The following SLC35B4 variants were observed in gnomAD, a reference collection of about 807,000 sequenced individuals.
SLC35B4 encodes solute carrier family 35 member B4.
In SLC35B4, 28 loss-of-function variants were observed where a neutral mutation model predicts 39.5. That is an observed-to-expected ratio of 0.71 (90% CI 0.53 to 0.97). The LOEUF (loss-of-function observed/expected upper bound fraction) is 0.97. Among genes scored for constraint, SLC35B4 ranks in the 50% least tolerant of loss-of-function variants. SLC35B4 has a pLI of 0.00. For missense variants in SLC35B4, 334 were observed against 414.3 expected, an observed-to-expected ratio of 0.81 and a Z score of 1.68; for synonymous variants, 145 against 150.4, an observed-to-expected ratio of 0.96 and a Z score of 0.26.
chr7:134,299,958 G>A (rs899818270), intron 7 of SLC35B4, among the ~76,000 whole-genome samples, 194 bp downstream of exon 7: 5 of 152,276 alleles, frequency 3.3e-5, no homozygotes, highest in East Asian at 3.9e-4. Flanking sequence ...TTGATTGATC[G>A]TGATCATCTC....
At chr7:134,308,051 G>A (rs923627981) in intron 2 of SLC35B4, among the ~76,000 whole-genome samples, 5 of 152,072 alleles carry the variant, frequency 3.3e-5, no homozygotes, top group East Asian at 3.8e-4. Flanking sequence ...GGGGATGAAC[G>A]ACATGAGCAA....
chr7:134,290,553 T>A lies in SLC35B4; in HGVS notation c.*4280A>T, dbSNP rs1042773302. 1.3e-5 allele frequency: 2 copies of A among 152,216 alleles called. No homozygotes were observed. Among genetic ancestry groups the A allele is most frequent in the African/African-American group, 4.8e-5 (2 of 41,458 alleles). 9.4% of individuals were successfully genotyped at this position (152,216 alleles called of 1,614,324 possible). A position where few individuals can be genotyped will look rare whatever the true frequency, so the allele number is the denominator to read the frequency against. ...AAGCTGCTAGAAAAAGACAACATGCTACTTTAAAGCCAAGAGGGGCCAGTC... is the reference window on the plus strand; with the variant it reads ...AAGCTGCTAGAAAAAGACAACATGCAACTTTAAAGCCAAGAGGGGCCAGTC... On this transcript the variant is annotated 3_prime_UTR_variant, in exon 10 of 10. Transcript: ENST00000378509.
rs1335295059 is a variant in SLC35B4, at chr7:134,291,314, T to A, written c.*3519A>T. ...CAATATCAATGCTTGTAAGAATGTA[T>A]AACAAAATACACGCTGTGCAGATAT... is the stretch of plus-strand genomic sequence containing the variant. On this transcript the variant is annotated 3_prime_UTR_variant, in exon 10 of 10. Transcript: ENST00000378509. The A allele has an allele frequency of 6.6e-6, 1 of 152,134 alleles. No individual in the cohort carries two copies. The highest frequency in any genetic ancestry group is 2.4e-5 in the African/African-American group (1 of 41,420). The allele number at this position is 152,134 out of a possible 1,614,324, so 9.4% of individuals were successfully genotyped here. A position where few individuals can be genotyped will look rare whatever the true frequency, so the allele number is the denominator to read the frequency against.
In SLC35B4 at chr7:134,302,085, TG is replaced by T; in HGVS notation, c.369del (p.Ile124LeufsTer19). ...AATATCCCCACAGACACCAGGGCAA[TG>T]GAGGTATATTTGAATATACTGTATC... The part of the protein sequence containing the change: ...KKRYSIFKYT[S>X]IALVSVGIFI... On this transcript the variant is annotated frameshift_variant, in exon 5 of 10. Transcript: ENST00000378509. LOFTEE classifies it high-confidence loss of function. The T allele has an allele frequency of 6.2e-7, 1 of 1,613,656 alleles. No homozygotes were observed. The highest frequency in any genetic ancestry group is 8.5e-7 in the Non-Finnish European group (1 of 1,179,894).
At chr7:134,316,292 G>C (rs1421416006) in intron 1 of SLC35B4, among the ~76,000 whole-genome samples, 1 of 152,196 alleles carries the variant, frequency 6.6e-6, no homozygotes, top group Non-Finnish European at 1.5e-5. Context: ...GGAAGAGAGA[G>C]TGGTTTGGTG....
In SLC35B4 at chr7:134,289,475, A is replaced by C. The variant is rs1455976679; in HGVS notation, c.*5358T>G. 2 of 152,672 alleles carry C rather than the reference A, an allele frequency of 1.3e-5. No individual in the cohort carries two copies. The highest frequency in any genetic ancestry group is 4.8e-5 in the African/African-American group (2 of 41,454). The allele number at this position is 152,672 out of a possible 1,614,324, so 9.5% of individuals were successfully genotyped here. A position where few individuals can be genotyped will look rare whatever the true frequency, so the allele number is the denominator to read the frequency against. On this transcript the variant is annotated 3_prime_UTR_variant, in exon 10 of 10. Transcript: ENST00000378509. ...CCCACTAATGTCTTGTAGCTGTTCTACGTACTCTCAGCTTTCTACTCCCTC... is the reference window on the plus strand; with the variant it reads ...CCCACTAATGTCTTGTAGCTGTTCTCCGTACTCTCAGCTTTCTACTCCCTC...
chr7:134,300,429 C>T (rs1421485), intron 6 of SLC35B4, among the ~76,000 whole-genome samples, 168 bp from the exon 7 acceptor site: 73,571 of 151,920 alleles, frequency 0.48, 18,115 homozygotes, highest in Admixed American at 0.55. Context: ...TAGTCCTTTA[C>T]AGCTTTCTAC....
chr7:134,304,933 G>A, intron 3 of SLC35B4, 79 bp from the exon 4 acceptor site: 2 of 1,074,214 alleles, frequency 1.9e-6, no homozygotes, highest in Non-Finnish European at 2.8e-6. Flanking sequence ...ATAGGAACAT[G>A]GGCAAGGGGA....
intron 4 of SLC35B4, 116 bp from the exon 5 acceptor site, chr7:134,302,226 C>T: frequency 1.2e-6 from 1 of 828,056 alleles, no homozygotes; most frequent in South Asian, 1.7e-5. Flanking sequence ...GTATGACAGA[C>T]AGGATTACTT....
intron 6 of SLC35B4, among the ~76,000 whole-genome samples, chr7:134,300,664 A>G (rs1331661434): frequency 6.6e-6 from 1 of 152,214 alleles, no homozygotes; most frequent in Non-Finnish European, 1.5e-5. Flanking sequence ...ATTAAAATCA[A>G]TGTACATCCT....
At chr7:134,310,215 T>G (rs193279623) in intron 1 of SLC35B4, among the ~76,000 whole-genome samples, 35 of 152,286 alleles carry the variant, frequency 2.3e-4, no homozygotes, top group African/African-American at 8.2e-4. Flanking sequence ...CTTAACCCAG[T>G]GTTTTGAATA....
chr7:134,306,922 T>G (rs1223296399), intron 2 of SLC35B4, 148 bp from the exon 3 acceptor site: 2 of 545,694 alleles, frequency 3.7e-6, no homozygotes, highest in Non-Finnish European at 6.5e-6. Context: ...TGTCAACTAC[T>G]AAGTACATAT....
intron 1 of SLC35B4, among the ~76,000 whole-genome samples, chr7:134,313,513 TGTAAGCTCCCTAA>T (rs1380505889): frequency 6.6e-6 from 1 of 152,208 alleles, no homozygotes; most frequent in Non-Finnish European, 1.5e-5. Flanking sequence ...CAAGGTAGAA[TGTAAGCTCCCTAA>T]GGAGGAATAT....
rs14624 is a variant in SLC35B4 at position 134,289,897 on chromosome 7, C to G, written c.*4936G>C. 6.6e-6 allele frequency: 1 copy of G among 152,096 alleles called. No individual in the cohort carries two copies. The highest frequency in any genetic ancestry group is 1.5e-5 in the Non-Finnish European group (1 of 68,014). 9.4% of individuals were successfully genotyped at this position (152,096 alleles called of 1,614,324 possible). ...TCTGGCTCCCTTGCAACTTGCCTCA[C>G]TTGATTAAAATTGACAAATTTTGGT... On this transcript the variant is annotated 3_prime_UTR_variant, in exon 10 of 10. Transcript: ENST00000378509.
chr7:134,307,260 C>T (rs1803731337), intron 2 of SLC35B4, among the ~76,000 whole-genome samples: 1 of 151,474 alleles, frequency 6.6e-6, no homozygotes, highest in South Asian at 2.1e-4. Context: ...CATGGTTTGA[C>T]TTGTACAGAT....
chr7:134,309,000 C>A (rs1436076333), intron 2 of SLC35B4, among the ~76,000 whole-genome samples: 5 of 152,096 alleles, frequency 3.3e-5, no homozygotes, highest in African/African-American at 1.2e-4. Context: ...AAAAGCCATT[C>A]GTTTTTAAAA....
intron 6 of SLC35B4, among the ~76,000 whole-genome samples, chr7:134,301,181 T>C (rs976801228): frequency 1.3e-5 from 2 of 152,214 alleles, no homozygotes; most frequent in African/African-American, 4.8e-5. Flanking sequence ...TCCGTTATTG[T>C]TGTCATTGAA....
chr7:134,292,852 T>G lies in SLC35B4; in HGVS notation c.*1981A>C, dbSNP rs866248464. On this transcript the variant is annotated 3_prime_UTR_variant, in exon 10 of 10. Transcript: ENST00000378509. ...TCCTTCAGAAGAGCCCATTACTGGC[T>G]CTAGAAAGCTGTCAATGTCCAGAGC... The G allele has an allele frequency of 1.3e-5, 2 of 152,302 alleles. No individual in the cohort carries two copies. The highest frequency in any genetic ancestry group is 3.4e-3 in the Middle Eastern group (1 of 294). 9.4% of individuals were successfully genotyped at this position (152,302 alleles called of 1,614,324 possible).
intron 8 of SLC35B4, among the ~76,000 whole-genome samples, chr7:134,297,936 T>C (rs889573585): frequency 6.6e-6 from 1 of 152,122 alleles, no homozygotes; most frequent in Non-Finnish European, 1.5e-5. Context: ...ATAATGACAC[T>C]TGCACAGTAA....
Sources: gnomAD v4.1 joint callset for allele counts (sites outside exome capture counted in the v4.1 genomes callset) on GRCh38, gnomAD v4.1.1 for gene constraint, MANE v1.5 for transcripts, NCBI Gene and HGNC (gene_info 2026-07-23, HGNC 2026-07-21) for gene names.